Variants in UVRAG observed in about 807,000 individuals in gnomAD.
UVRAG encodes UV radiation resistance-associated gene protein.
UVRAG carries 19 observed loss-of-function variants against 78.0 expected under a neutral mutation model. The ratio of observed to expected loss-of-function variants is 0.24; its 90% CI spans 0.17 to 0.36. The LOEUF (loss-of-function observed/expected upper bound fraction) is 0.36. UVRAG is among the 10% of genes least tolerant of loss of function. The pLI is 1.00. For missense variants in UVRAG, 740 were observed against 853.8 expected (o/e 0.87, Z 1.66); for synonymous variants, 323 against 324.6 (o/e 1.00, Z 0.05).
rs142399125 is a variant in UVRAG at position 75,818,326 on chromosome 11, TG to T, written c.117+2803del. On this transcript the variant is annotated intron_variant, in intron 1 of 14. Coordinates refer to ENST00000356136, the MANE Select transcript of UVRAG (RefSeq NM_003369.4). ...TCATGGAGTATCTGTGTATGTCTAATGTTTTTTTTTTAAGTATTACTTTGTT... is the reference window on the plus strand; with the variant it reads ...TCATGGAGTATCTGTGTATGTCTAATTTTTTTTTTTAAGTATTACTTTGTT... Among the ~76,000 whole-genome samples the T allele has an allele frequency of 4.4e-3, 669 of 152,258 alleles. 3 individuals carry two copies. The highest frequency in any genetic ancestry group is 0.015 in the African/African-American group (637 of 41,550).
At chr11:75,953,615 T>C (rs778770925) in intron 6 of UVRAG, among the ~76,000 whole-genome samples, 25 of 152,208 alleles carry the variant, frequency 1.6e-4, no homozygotes, top group Non-Finnish European at 3.2e-4. Flanking sequence ...TAACTTCTCC[T>C]TCAGTGAGAT....
chr11:75,927,112 C>T (rs917321040), intron 6 of UVRAG, among the ~76,000 whole-genome samples: 8 of 151,332 alleles, frequency 5.3e-5, no homozygotes, highest in Non-Finnish European at 1.0e-4. Context: ...CTCTGTTGCC[C>T]AGGCTGCAGT....
intron 6 of UVRAG, among the ~76,000 whole-genome samples, chr11:75,920,569 ATCT>A (rs891047100): frequency 4.6e-5 from 7 of 151,886 alleles, no homozygotes; most frequent in Admixed American, 6.6e-5. Context: ...TTTTTGGCTC[ATCT>A]TCTTCTTTAA....
At chr11:76,051,497 G>A (rs1950866773) in intron 12 of UVRAG, among the ~76,000 whole-genome samples, 4 of 152,030 alleles carry the variant, frequency 2.6e-5, no homozygotes, top group Admixed American at 2.6e-4. Flanking sequence ...AAAACTGGAA[G>A]GTTTCTATAA....
chr11:75,844,988 A>G (rs1331916697), intron 1 of UVRAG, among the ~76,000 whole-genome samples: 2 of 152,214 alleles, frequency 1.3e-5, no homozygotes, highest in East Asian at 3.8e-4. Context: ...TTTACTATGC[A>G]TACCACTTAA....
chr11:76,070,533 A>G lies in UVRAG; in HGVS notation c.1305+4745A>G, dbSNP rs143670912. 2.9e-3 allele frequency among the ~76,000 whole-genome samples: 439 copies of G among 152,336 alleles called. 6 individuals carry two copies. Among genetic ancestry groups the G allele is most frequent in the African/African-American group, 0.01 (418 of 41,566 alleles). ...TCACTATGTATATGTATATCAAAAC[A>G]TCATGTATACCTTCAAACATCTTGT... On this transcript the variant is annotated intron_variant, in intron 13 of 14. Transcript: ENST00000356136.
At chr11:75,973,968 G>A (rs1226967040) in intron 7 of UVRAG, among the ~76,000 whole-genome samples, 2 of 152,154 alleles carry the variant, frequency 1.3e-5, no homozygotes, top group Non-Finnish European at 2.9e-5. Context: ...ATGGACATTT[G>A]GGTTGATTCC....
intron 1 of UVRAG, among the ~76,000 whole-genome samples, chr11:75,825,332 C>T (rs1455473208): frequency 1.3e-5 from 2 of 152,002 alleles, no homozygotes; most frequent in African/African-American, 2.4e-5. Flanking sequence ...AGACTGATCT[C>T]GAACTCCTGA....
At chr11:75,844,376 G>A (rs1315332858) in intron 1 of UVRAG, among the ~76,000 whole-genome samples, 1 of 151,718 alleles carries the variant, frequency 6.6e-6, no homozygotes, top group East Asian at 1.9e-4. Context: ...ACAGGTGCCC[G>A]CCACCACGCC....
At chr11:75,865,284 T>C (rs1946512669) in intron 3 of UVRAG, among the ~76,000 whole-genome samples, 1 of 102,982 alleles carries the variant, frequency 9.7e-6, no homozygotes, top group Non-Finnish European at 1.8e-5. Flanking sequence ...TGAAACTCCA[T>C]CTCAAAAAAA....
chr11:76,063,177 A>G (rs1951125681), intron 12 of UVRAG, among the ~76,000 whole-genome samples: 1 of 152,244 alleles, frequency 6.6e-6, no homozygotes, highest in East Asian at 1.9e-4. Flanking sequence ...AGAGAGGCAA[A>G]GAGGAAGAAA....
At chr11:76,068,511 A>G (rs1214076712) in intron 13 of UVRAG, among the ~76,000 whole-genome samples, 1 of 152,198 alleles carries the variant, frequency 6.6e-6, no homozygotes, top group African/African-American at 2.4e-5. Context: ...TTTTAATCAC[A>G]CTGGAGGCAG....
At chr11:76,021,176 G>C (rs555963556) in intron 12 of UVRAG, among the ~76,000 whole-genome samples, 1 of 152,258 alleles carries the variant, frequency 6.6e-6, no homozygotes, top group East Asian at 1.9e-4. Context: ...GTTAAAACCA[G>C]GTACTGTGAT....
chr11:75,977,070 C>A (rs1410593298), intron 7 of UVRAG, among the ~76,000 whole-genome samples: 1 of 152,132 alleles, frequency 6.6e-6, no homozygotes, highest in African/African-American at 2.4e-5. Context: ...TATGTTGTGT[C>A]TTTGTTCTCA....
chr11:76,072,453 G>A (rs1407154457), intron 13 of UVRAG, among the ~76,000 whole-genome samples: 4 of 152,088 alleles, frequency 2.6e-5, no homozygotes, highest in African/African-American at 9.7e-5. Flanking sequence ...GCATGTTTAT[G>A]CTGATGAGAG....
intron 1 of UVRAG, among the ~76,000 whole-genome samples, chr11:75,846,039 C>T (rs1007922780): frequency 1.4e-4 from 21 of 151,964 alleles, no homozygotes; most frequent in African/African-American, 4.8e-4. Context: ...ATATTTGAAC[C>T]GATTTAGATC....
At chr11:75,857,234 A>T (rs560822199) in intron 2 of UVRAG, among the ~76,000 whole-genome samples, 1 of 152,246 alleles carries the variant, frequency 6.6e-6, no homozygotes, top group South Asian at 2.1e-4. Context: ...TTCCCATCTC[A>T]TTCACAGAAA....
intron 12 of UVRAG, among the ~76,000 whole-genome samples, chr11:76,060,887 G>A (rs1397243042): frequency 1.3e-5 from 2 of 152,202 alleles, no homozygotes; most frequent in Non-Finnish European, 2.9e-5. Context: ...CCTCCCCGAC[G>A]AGCACTGTCC....
intron 12 of UVRAG, among the ~76,000 whole-genome samples, chr11:76,055,092 G>T (rs185190634): frequency 6.6e-6 from 1 of 152,254 alleles, no homozygotes; most frequent in East Asian, 1.9e-4. Flanking sequence ...CTGTCACTCA[G>T]ACTGGAGTGC....
Sources: allele counts gnomAD v4.1 joint callset (sites outside exome capture counted in the v4.1 genomes callset), GRCh38; gene constraint gnomAD v4.1.1; transcripts MANE v1.5; gene names NCBI Gene and HGNC (gene_info 2026-07-23, HGNC 2026-07-21).